Variants in DPP10 observed in about 807,000 individuals in gnomAD.
DPP10 encodes the protein inactive dipeptidyl peptidase 10.
A neutral mutation model predicts 120.9 loss-of-function variants in DPP10; 33 were observed. That is an observed-to-expected ratio of 0.27 (90% confidence interval 0.21 to 0.37). The LOEUF (loss-of-function observed/expected upper bound fraction) is 0.37, where lower values mean the gene tolerates loss of function less well. Ranked by LOEUF, DPP10 falls within the 10% of genes least tolerant of loss-of-function variation. DPP10 has a pLI of 1.00. For missense variants in DPP10, 816 were observed against 942.8 expected, an observed-to-expected ratio of 0.87 and a Z score of 1.76; for synonymous variants, 337 against 326.1, an observed-to-expected ratio of 1.03 and a Z score of -0.36.
At chr2:114,735,094 T>C (rs951878754) in intron 1 of DPP10, among the ~76,000 whole-genome samples, 3 of 152,130 alleles carry the variant, frequency 2.0e-5, no homozygotes, top group African/African-American at 7.2e-5. Flanking sequence ...CCTCATCACC[T>C]TTCTGAAAGC....
At chr2:114,887,863 G>T (rs186999018) in intron 1 of DPP10, among the ~76,000 whole-genome samples, 3 of 152,194 alleles carry the variant, frequency 2.0e-5, no homozygotes, top group South Asian at 2.1e-4. Flanking sequence ...TCATGGGTTA[G>T]GCGAGGTGGC....
At chr2:115,621,045 T>A (rs2084907876) in intron 5 of DPP10, among the ~76,000 whole-genome samples, 1 of 152,220 alleles carries the variant, frequency 6.6e-6, no homozygotes, top group Non-Finnish European at 1.5e-5. Flanking sequence ...CACCTGGGGA[T>A]AGAAAGATCA....
At chr2:115,473,639 G>T (rs906610239) in intron 3 of DPP10, among the ~76,000 whole-genome samples, 1 of 152,176 alleles carries the variant, frequency 6.6e-6, no homozygotes, top group Non-Finnish European at 1.5e-5. Context: ...CTGGCTGGCT[G>T]CCATGGAGAA....
At chr2:114,755,260 A>G (rs900240441) in intron 1 of DPP10, among the ~76,000 whole-genome samples, 4 of 152,182 alleles carry the variant, frequency 2.6e-5, no homozygotes, top group South Asian at 2.1e-4. Context: ...TGTACCTAGC[A>G]TTAGACTAGA....
rs148501349 is a variant in DPP10, at chr2:115,460,845, G to A, written c.272-38665G>A. Among the ~76,000 whole-genome samples, 451 of 152,298 alleles carry A rather than the reference G, an allele frequency of 3.0e-3. 2 individuals carry two copies. The highest frequency in any genetic ancestry group is 0.01 in the African/African-American group (432 of 41,564). On this transcript the variant is annotated intron_variant, in intron 3 of 25. Transcript: ENST00000410059. ...TGAATCTGATCACAACATATTGCCT[G>A]GAAATATGCTATATTGCTATGGCAA...
intron 1 of DPP10, among the ~76,000 whole-genome samples, chr2:114,536,088 C>T (rs896177701): frequency 6.6e-6 from 1 of 152,120 alleles, no homozygotes; most frequent in South Asian, 2.1e-4. Context: ...GCTCAGAGCC[C>T]CTTCTTTACC....
intron 1 of DPP10, chr2:115,162,406 G>A: frequency 2.4e-6 from 3 of 1,263,398 alleles, no homozygotes; most frequent in Non-Finnish European, 3.2e-6. Flanking sequence ...GCTCCTGACG[G>A]CCGCTCACCG....
rs75060407 is a variant in DPP10, at chr2:115,243,401, A to G, written c.61-65838A>G. Among the ~76,000 whole-genome samples, 572 of 152,304 alleles carry G rather than the reference A, an allele frequency of 3.8e-3. 5 individuals carry two copies. Among genetic ancestry groups the G allele is most frequent in the African/African-American group, 0.012 (508 of 41,570 alleles). ...TGATTGGCTGCAAGTCAACAGTTCT[A>G]AAATAAAACTATGCTTAGCTTTAAA... On this transcript the variant is annotated intron_variant, in intron 1 of 25. Coordinates refer to ENST00000410059, the MANE Select transcript of DPP10 (RefSeq NM_020868.6).
chr2:114,999,410 CT>C (rs750399832), intron 1 of DPP10, among the ~76,000 whole-genome samples: 5 of 152,152 alleles, frequency 3.3e-5, no homozygotes, highest in Non-Finnish European at 5.9e-5. Flanking sequence ...AATGGGATTT[CT>C]TTTGCCATGT....
chr2:114,521,251 G>GACACACACGCACAGACAC (rs1553455603), intron 1 of DPP10, among the ~76,000 whole-genome samples: 2 of 144,506 alleles, frequency 1.4e-5, no homozygotes, highest in Non-Finnish European at 3.0e-5. Flanking sequence ...CACATGCACA[G>GACACACACGCACAGACAC]ACACACACAC....
At chr2:114,592,572 A>G (rs149515198) in intron 1 of DPP10, among the ~76,000 whole-genome samples, 2 of 152,308 alleles carry the variant, frequency 1.3e-5, no homozygotes, top group East Asian at 3.9e-4. Context: ...TGATGCAGGC[A>G]TTATGAACAG....
chr2:115,149,639 C>T (rs942744044), intron 1 of DPP10, among the ~76,000 whole-genome samples: 2 of 152,116 alleles, frequency 1.3e-5, no homozygotes, highest in African/African-American at 4.8e-5. Context: ...CTGGTGTGCT[C>T]CTTTTCTTAT....
chr2:115,052,773 G>A (rs556022120), intron 1 of DPP10, among the ~76,000 whole-genome samples: 13 of 152,116 alleles, frequency 8.5e-5, no homozygotes, highest in African/African-American at 2.9e-4. Flanking sequence ...CCAAAATGGC[G>A]AAACCCCGTC....
At chr2:114,741,608 A>C (rs1479164521) in intron 1 of DPP10, among the ~76,000 whole-genome samples, 1 of 152,200 alleles carries the variant, frequency 6.6e-6, no homozygotes, top group Non-Finnish European at 1.5e-5. Flanking sequence ...TATAAATATG[A>C]CCTTATTTGG....
intron 1 of DPP10, among the ~76,000 whole-genome samples, chr2:115,223,574 G>A (rs953651614): frequency 2.6e-5 from 4 of 152,118 alleles, no homozygotes; most frequent in African/African-American, 9.7e-5. Flanking sequence ...TAATGTGAGT[G>A]TAAGATATGT....
At chr2:114,872,186 C>T (rs1690739328) in intron 1 of DPP10, among the ~76,000 whole-genome samples, 1 of 152,144 alleles carries the variant, frequency 6.6e-6, no homozygotes. Flanking sequence ...CTCACAGTTT[C>T]ACATGGCTAT....
rs1553538926 is a variant in DPP10, at chr2:115,286,513, A to ACATATAC, written c.61-22726_61-22725insCATATAC. Among the ~76,000 whole-genome samples, 2 of 38,542 alleles carry ACATATAC rather than the reference A, an allele frequency of 5.2e-5. 1 individual carries two copies. Among genetic ancestry groups the ACATATAC allele is most frequent in the Non-Finnish European group, 1.2e-4 (2 of 16,148 alleles). 25.3% of individuals were successfully genotyped at this position (38,542 alleles called of 152,430 possible). On this transcript the variant is annotated intron_variant, in intron 1 of 25. Coordinates refer to ENST00000410059, the MANE Select transcript of DPP10 (RefSeq NM_020868.6). ...TATAATATATATATATTACATATAT[A>ACATATAC]ATATATATATATAATATATATATAT...
intron 5 of DPP10, 173 bp downstream of exon 5, chr2:115,526,145 C>A: frequency 3.9e-6 from 2 of 519,114 alleles, no homozygotes; most frequent in South Asian, 5.7e-5. Context: ...GTCCAAACAT[C>A]TTCCATATCT....
At chr2:114,590,123 A>C (rs1276767539) in intron 1 of DPP10, among the ~76,000 whole-genome samples, 1 of 152,156 alleles carries the variant, frequency 6.6e-6, no homozygotes, top group East Asian at 1.9e-4. Flanking sequence ...AAATATTATT[A>C]TAAATAATTG....
Sources: gnomAD v4.1 joint callset for allele counts (sites outside exome capture counted in the v4.1 genomes callset) on GRCh38, gnomAD v4.1.1 for gene constraint, MANE v1.5 for transcripts, NCBI Gene and HGNC (gene_info 2026-07-23, HGNC 2026-07-21) for gene names.